Variants in IL17RD observed in about 807,000 individuals in gnomAD.
The protein encoded by IL17RD is interleukin 17 receptor D.
In IL17RD, 52 loss-of-function variants were observed where a neutral mutation model predicts 80.5. The ratio of observed to expected loss-of-function variants is 0.65; its 90% CI spans 0.52 to 0.81. The LOEUF (loss-of-function observed/expected upper bound fraction) is 0.81, where lower values mean the gene tolerates loss of function less well. IL17RD is among the 40% of genes least tolerant of loss of function. The pLI, the probability that IL17RD is intolerant of heterozygous loss-of-function variation, is 0.00. For synonymous variants in IL17RD, 416 were observed against 391.8 expected, an observed-to-expected ratio of 1.06 and a Z score of -0.73; for missense variants, 1,024 against 955.1, an observed-to-expected ratio of 1.07 and a Z score of -0.95.
At chr3:57,159,175 G>A (rs1342102629) in intron 1 of IL17RD, among the ~76,000 whole-genome samples, 1 of 150,600 alleles carries the variant, frequency 6.6e-6, no homozygotes, top group African/African-American at 2.5e-5. Context: ...AGGACTTCAA[G>A]TGTGAATTCT....
chr3:57,120,439 T>C, intron 1 of IL17RD, 126 bp from the exon 2 acceptor site: 1 of 685,078 alleles, frequency 1.5e-6, no homozygotes, highest in Non-Finnish European at 2.6e-6. Context: ...CCGGACATCA[T>C]CCACCACTCT....
Position 57,140,695 on chromosome 3 carries a change from T to G in IL17RD, c.127-20382A>C, listed in dbSNP as rs1274770176. 3.3e-5 allele frequency among the ~76,000 whole-genome samples: 5 copies of G among 152,168 alleles called. No homozygotes were observed. In the East Asian group the frequency reaches 7.7e-4, roughly 23 times the overall value. On this transcript the variant is annotated intron_variant, in intron 1 of 12. Coordinates refer to ENST00000296318, the MANE Select transcript of IL17RD (RefSeq NM_017563.5). ...AAAGTAGTGTAGAAAAGCTGAGGTGTGGTCATCTCTGAAATTTGATTGATC... is the reference window on the plus strand; with the variant it reads ...AAAGTAGTGTAGAAAAGCTGAGGTGGGGTCATCTCTGAAATTTGATTGATC...
intron 5 of IL17RD, among the ~76,000 whole-genome samples, chr3:57,108,885 A>G (rs1246943630): frequency 6.6e-6 from 1 of 151,962 alleles, no homozygotes; most frequent in Admixed American, 6.6e-5. Flanking sequence ...CGTGGGCTCA[A>G]GTGATCCTGC....
chr3:57,112,629 T>C (rs1160270519), intron 3 of IL17RD, among the ~76,000 whole-genome samples: 1 of 152,202 alleles, frequency 6.6e-6, no homozygotes, highest in Non-Finnish European at 1.5e-5. Context: ...AATGACCACT[T>C]CCTTTTTATC....
intron 1 of IL17RD, among the ~76,000 whole-genome samples, chr3:57,159,123 CT>C (rs34297266): frequency 0.23 from 32,516 of 143,950 alleles, 4,152 homozygotes; most frequent in East Asian, 0.38. Flanking sequence ...GATATCTCTT[CT>C]TTTTTTTTTT....
In IL17RD at chr3:57,097,791, C is replaced by T; in HGVS notation, c.1912G>A (p.Asp638Asn). 1.2e-6 allele frequency: 2 copies of T among 1,604,918 alleles called. No individual in the cohort carries two copies. Among genetic ancestry groups the T allele is most frequent in the Non-Finnish European group, 1.7e-6 (2 of 1,175,606 alleles). ...AGGGGTTGCAGGGCGGCGCTACCGTCAAGGGCAGGCCGGGCCTCCCCGTCT... is the reference window on the plus strand; with the variant it reads ...AGGGGTTGCAGGGCGGCGCTACCGTTAAGGGCAGGCCGGGCCTCCCCGTCT... ...DQDGEARPAL[D>N]GSAALQPLLH... The change falls in exon 12 of 13, where the codon GAC becomes AAC. Residue 638 changes from aspartate (D) to asparagine (N), a missense_variant. Coordinates refer to ENST00000296318, the MANE Select transcript of IL17RD (RefSeq NM_017563.5).
At position 57,102,481 on chromosome 3, in the gene IL17RD, T is replaced by C; in HGVS notation, c.977A>G (p.Gln326Arg). 1 of 1,531,708 alleles carries C rather than the reference T, an allele frequency of 6.5e-7. No homozygotes were observed. The highest frequency in any genetic ancestry group is 8.9e-7 in the Non-Finnish European group (1 of 1,118,244). 94.9% of individuals were successfully genotyped at this position (1,531,708 alleles called of 1,614,324 possible). A position where few individuals can be genotyped will look rare whatever the true frequency, so the allele number is the denominator to read the frequency against. ...LFTVMCRKKQ[Q>R]ENIYSHLDEE... Reference sequence around the variant, plus strand: ...AGACACAGCACACAAAGAGATACCTTGTTGCTTCTTGCGGCACATCACAGT... The same window carrying C: ...AGACACAGCACACAAAGAGATACCTCGTTGCTTCTTGCGGCACATCACAGT... Residue 326 changes from glutamine (Q) to arginine (R), a missense_variant and splice_region_variant, in exon 10 of 13, where the codon CAA becomes CGA. Coordinates refer to ENST00000296318, the MANE Select transcript of IL17RD (RefSeq NM_017563.5).
intron 1 of IL17RD, among the ~76,000 whole-genome samples, chr3:57,121,040 C>T (rs1311730031): frequency 1.3e-5 from 2 of 152,212 alleles, no homozygotes; most frequent in Admixed American, 1.3e-4. Flanking sequence ...CCCGCCTTTT[C>T]CACCACTTAT....
At chr3:57,137,580 A>C (rs915274749) in intron 1 of IL17RD, among the ~76,000 whole-genome samples, 1 of 152,240 alleles carries the variant, frequency 6.6e-6, no homozygotes, top group Non-Finnish European at 1.5e-5. Context: ...TGACACTTAT[A>C]AAACAGAAGA....
In IL17RD at chr3:57,094,856, T is replaced by A. The variant is rs1706635804; in HGVS notation, c.*1537A>T. 6.6e-6 allele frequency: 1 copy of A among 152,646 alleles called. No homozygotes were observed. The highest frequency in any genetic ancestry group is 2.4e-5 in the African/African-American group (1 of 41,460). The allele number at this position is 152,646 out of a possible 1,614,324, so 9.5% of individuals were successfully genotyped here. On this transcript the variant is annotated 3_prime_UTR_variant, in exon 13 of 13. Coordinates refer to ENST00000296318, the MANE Select transcript of IL17RD (RefSeq NM_017563.5). Reference sequence around the variant, plus strand: ...CTCCCTCAGAGCAGCTGCAAGAAACTTGATGCCAGAGAACAGACGAGCACG... The same window carrying A: ...CTCCCTCAGAGCAGCTGCAAGAAACATGATGCCAGAGAACAGACGAGCACG...
At chr3:57,143,910 T>C (rs935604424) in intron 1 of IL17RD, among the ~76,000 whole-genome samples, 1 of 152,188 alleles carries the variant, frequency 6.6e-6, no homozygotes, top group Non-Finnish European at 1.5e-5. Context: ...GAATTAAATA[T>C]TTCTGTACCT....
At chr3:57,136,158 C>T (rs574624829) in intron 1 of IL17RD, among the ~76,000 whole-genome samples, 5 of 152,302 alleles carry the variant, frequency 3.3e-5, no homozygotes, top group Admixed American at 1.3e-4. Context: ...AATCACATTA[C>T]AGCCGTGTGG....
At chr3:57,108,542 G>A (rs1193557702) in intron 5 of IL17RD, among the ~76,000 whole-genome samples, 1 of 103,044 alleles carries the variant, frequency 9.7e-6, no homozygotes, top group Non-Finnish European at 1.8e-5. Flanking sequence ...TTTAGATGGA[G>A]GTTTGCTCTT....
chr3:57,127,308 A>T (rs1332774621), intron 1 of IL17RD, among the ~76,000 whole-genome samples: 1 of 96,678 alleles, frequency 1.0e-5, no homozygotes, highest in East Asian at 2.8e-4. Flanking sequence ...ATATATAAAA[A>T]TATATAAAAA....
At position 57,127,412 on chromosome 3, in the gene IL17RD, A is replaced by ATTTTTTT. The variant is rs58398251; in HGVS notation, c.127-7106_127-7100dup. On this transcript the variant is annotated intron_variant, in intron 1 of 12. Transcript: ENST00000296318. ...AATAAATAAATATATATATATATAT[A>ATTTTTTT]TTTTTTTTTTGAGATAAGAGTCTTG... 9.9e-5 allele frequency among the ~76,000 whole-genome samples: 9 copies of ATTTTTTT among 91,190 alleles called. 1 individual carries two copies. The highest frequency in any genetic ancestry group is 4.4e-4 in the African/African-American group (9 of 20,468). 59.8% of individuals were successfully genotyped at this position (91,190 alleles called of 152,430 possible).
chr3:57,114,762 A>G lies in IL17RD; in HGVS notation c.240T>C (p.Asn80=). ...GGCAAGCATACTGGCTGATGGTGAT[A>G]TTCTGGGCGTCAGCAATCACATGCT... is the stretch of plus-strand genomic sequence containing the variant. ...VGKHVIADAQ[N]ITISQYACHD... Residue 80 remains asparagine, a synonymous_variant, in exon 3 of 13, where the codon AAT becomes AAC. Coordinates refer to ENST00000296318, the MANE Select transcript of IL17RD (RefSeq NM_017563.5). The G allele has an allele frequency of 6.2e-7, 1 of 1,612,600 alleles. No homozygotes were observed.
rs774555712 is a variant in IL17RD, at chr3:57,098,514, A to C, written c.1189T>G (p.Phe397Val). ...CTCTGCCCTTCTCTACAGAGGCTGA[A>C]GTCTTCCCACAGGTCCAGAGCCACC... The part of the protein sequence containing the change: ...CEVALDLWED[F>V]SLCREGQREW... Residue 397 changes from phenylalanine (F) to valine (V), a missense_variant, in exon 12 of 13, where the codon TTC (phenylalanine) becomes GTC (valine). Coordinates refer to ENST00000296318, the MANE Select transcript of IL17RD (RefSeq NM_017563.5). 1.2e-6 allele frequency: 2 copies of C among 1,608,276 alleles called. No homozygotes were observed. Among genetic ancestry groups the C allele is most frequent in the Admixed American group, 1.7e-5 (1 of 59,712 alleles).
chr3:57,133,127 G>A (rs969003234), intron 1 of IL17RD, among the ~76,000 whole-genome samples: 2 of 152,208 alleles, frequency 1.3e-5, no homozygotes. Context: ...TCGCTTACAT[G>A]ATGCCAAGTC....
upstream of IL17RD, chr3:57,165,357 C>G: frequency 8.5e-7 from 1 of 1,170,998 alleles, no homozygotes; most frequent in Non-Finnish European, 1.1e-6. Flanking sequence ...CCCGAGTGGG[C>G]GGTGGCCGCG....
Sources: allele counts gnomAD v4.1 joint callset (sites outside exome capture counted in the v4.1 genomes callset), GRCh38; gene constraint gnomAD v4.1.1; transcripts MANE v1.5; gene names NCBI Gene and HGNC (gene_info 2026-07-23, HGNC 2026-07-21).